Variants in RNF17 observed in about 807,000 individuals in gnomAD.
The protein encoded by RNF17 is spermatogenesis associated 23.
A neutral mutation model predicts 200.5 loss-of-function variants in RNF17; 31 were observed. That is an observed-to-expected ratio of 0.15 (90% CI 0.12 to 0.21). The LOEUF is 0.21. Among genes scored for constraint, RNF17 ranks in the 10% least tolerant of loss-of-function variants. The pLI is 1.00. For synonymous variants in RNF17, 606 were observed against 637.8 expected, an observed-to-expected ratio of 0.95 and a Z score of 0.75; for missense variants, 1,628 against 1,905.1, an observed-to-expected ratio of 0.85 and a Z score of 2.71.
intron 33 of RNF17, among the ~76,000 whole-genome samples, chr13:24,874,568 C>T (rs9511494): frequency 0.23 from 35,006 of 151,682 alleles, 4,499 homozygotes; most frequent in Non-Finnish European, 0.29. Context: ...CGCCACCATC[C>T]CGGCTAATTT....
intron 30 of RNF17, among the ~76,000 whole-genome samples, chr13:24,867,100 A>G (rs559852885): frequency 6.6e-6 from 1 of 152,212 alleles, no homozygotes; most frequent in Admixed American, 6.5e-5. Flanking sequence ...TGAGTTATTT[A>G]TCTTTTTATT....
chr13:24,799,221 AAACT>A (rs1418307467), intron 11 of RNF17, among the ~76,000 whole-genome samples, 170 bp from the exon 12 acceptor site: 16 of 152,318 alleles, frequency 1.1e-4, no homozygotes, highest in Middle Eastern at 3.4e-3. Context: ...TCTGTATAAC[AAACT>A]ATCATAATAT....
At position 24,764,888 on chromosome 13, in the gene RNF17, G is replaced by GGTGTGT. The variant is rs57755622; in HGVS notation, c.130+586_130+591dup. On this transcript the variant is annotated intron_variant, in intron 1 of 35. Transcript: ENST00000255324. ...ATAGTTTCTTTTGTGCACCTTGTGG[G>GGTGTGT]GTGTGTGTGTGTGTGTGTGTGTGTG... Among the ~76,000 whole-genome samples, 227 of 134,162 alleles carry GGTGTGT rather than the reference G, an allele frequency of 1.7e-3. 2 individuals are homozygous for GGTGTGT. Among genetic ancestry groups the GGTGTGT allele is most frequent in the Middle Eastern group, 4.1e-3 (1 of 244 alleles). 88.0% of individuals were successfully genotyped at this position (134,162 alleles called of 152,430 possible).
intron 19 of RNF17, 145 bp from the exon 20 acceptor site, chr13:24,843,599 A>G (rs748346617): frequency 2.5e-5 from 16 of 646,662 alleles, no homozygotes; most frequent in Non-Finnish European, 4.4e-5. Context: ...ATATACAGTA[A>G]AAAGTCACCT....
chr13:24,799,679 G>T, intron 12 of RNF17, 95 bp downstream of exon 12: 3 of 717,880 alleles, frequency 4.2e-6, no homozygotes, highest in Non-Finnish European at 4.6e-6. Context: ...GTAGAGAGGA[G>T]TAATTTGTCA....
intron 18 of RNF17, among the ~76,000 whole-genome samples, chr13:24,836,146 G>GATT (rs997733878): frequency 6.6e-6 from 1 of 152,186 alleles, no homozygotes; most frequent in African/African-American, 2.4e-5. Flanking sequence ...AGAAGTCTGG[G>GATT]ATTACGTTAA....
chr13:24,846,186 C>T (rs562913404), intron 22 of RNF17, among the ~76,000 whole-genome samples: 160 of 152,208 alleles, frequency 1.1e-3, no homozygotes, highest in Non-Finnish European at 1.9e-3. Context: ...GCTGCCCCAT[C>T]TAATGCTGTA....
chr13:24,819,245 A>T (rs142360683), intron 15 of RNF17, among the ~76,000 whole-genome samples: 1 of 152,192 alleles, frequency 6.6e-6, no homozygotes, highest in Admixed American at 6.5e-5. Flanking sequence ...TATGAATTTT[A>T]CTATGTTAGA....
chr13:24,774,800 A>G lies in RNF17; in HGVS notation c.226-13A>G, dbSNP rs1487442304. 6.3e-7 allele frequency: 1 copy of G among 1,574,906 alleles called. No individual in the cohort carries two copies. The highest frequency in any genetic ancestry group is 8.7e-7 in the Non-Finnish European group (1 of 1,150,968). ...GGGTGACTTTGTTTTTTTAAACCTT[A>G]TTTTGTCCTAAGGTTGCTACAGCTG... On this transcript the variant is annotated splice_polypyrimidine_tract_variant and intron_variant, in intron 2 of 35. Coordinates refer to ENST00000255324, the MANE Select transcript of RNF17 (RefSeq NM_031277.3).
At chr13:24,761,819 T>A (rs1878767922), upstream of RNF17, among the ~76,000 whole-genome samples, 1 of 152,232 alleles carries the variant, frequency 6.6e-6, no homozygotes, top group South Asian at 2.1e-4. Flanking sequence ...TATTTCTCAC[T>A]GGCCCTGATT....
intron 14 of RNF17, chr13:24,803,961 T>C (rs1265333993): frequency 3.1e-5 from 8 of 261,228 alleles, no homozygotes; most frequent in Non-Finnish European, 5.8e-5. Context: ...ATCAAGTCAC[T>C]GAGAGAAAAG....
At chr13:24,785,498 G>C (rs1882988513) in intron 6 of RNF17, among the ~76,000 whole-genome samples, 1 of 152,090 alleles carries the variant, frequency 6.6e-6, no homozygotes, top group Non-Finnish European at 1.5e-5. Context: ...TTAAACATTA[G>C]TCAGCATGGT....
In RNF17 at chr13:24,831,250, C is replaced by T. The variant is rs531738818; in HGVS notation, c.2362-608C>T. On this transcript the variant is annotated intron_variant, in intron 17 of 35. Coordinates refer to ENST00000255324, the MANE Select transcript of RNF17 (RefSeq NM_031277.3). The stretch of plus-strand genomic sequence containing the variant: ...GGTCAGGAGTTTGAGACCAGCCTGG[C>T]TAACATGATGAAACCCCATCTCTAC... Among the ~76,000 whole-genome samples, 49 of 152,144 alleles carry T rather than the reference C, an allele frequency of 3.2e-4. No homozygotes were observed. In the East Asian group the frequency reaches 8.7e-3, roughly 27 times the overall value.
chr13:24,853,651 T>G (rs1021844090), intron 24 of RNF17, among the ~76,000 whole-genome samples: 22 of 152,200 alleles, frequency 1.4e-4, no homozygotes, highest in Admixed American at 3.3e-4. Context: ...ATTTAAAACA[T>G]TTACTTAAAT....
chr13:24,767,942 T>G (rs1879979338), intron 2 of RNF17, among the ~76,000 whole-genome samples: 1 of 152,106 alleles, frequency 6.6e-6, no homozygotes, highest in African/African-American at 2.4e-5. Flanking sequence ...GAAAATTATG[T>G]CTTTTGTTTA....
At chr13:24,860,741 T>C (rs1001735094) in intron 26 of RNF17, among the ~76,000 whole-genome samples, 10 of 152,042 alleles carry the variant, frequency 6.6e-5, no homozygotes, top group African/African-American at 2.4e-4. Context: ...CAGTTTTTTT[T>C]CAAAAAAAAG....
At chr13:24,884,950 A>G in the RNF17 span, among the ~76,000 whole-genome samples, 1 of 152,186 alleles carries the variant, frequency 6.6e-6, no homozygotes, top group Admixed American at 6.5e-5. Context: ...CCACTAAGAA[A>G]CTTTCCTAAG....
At chr13:24,865,616 T>G (rs1893535995) in intron 29 of RNF17, among the ~76,000 whole-genome samples, 2 of 152,350 alleles carry the variant, frequency 1.3e-5, no homozygotes, top group Admixed American at 1.3e-4. Flanking sequence ...GTCTACTTGT[T>G]AGACTCTTTA....
chr13:24,854,091 C>T lies in RNF17; in HGVS notation c.3557C>T (p.Thr1186Ile). Residue 1186 changes from threonine (T) to isoleucine (I), a missense_variant, in exon 25 of 36, where the codon ACA (threonine) becomes ATA (isoleucine). Thr to Ile is a moderately conservative substitution (Grantham distance 89). This residue lies in a region of RNF17 where 609 missense variants were observed against 681.9 expected (regional missense o/e 0.89). Transcript: ENST00000255324. ...AIPNMNVFEA[T>I]VSCVGDDGTI... is the part of the protein sequence containing the mutation. ...CCTAACATGAACGTATTTGAGGCAACAGTCAGCTGTGTTGGTGATGATGGA... is the reference window on the plus strand; with the variant it reads ...CCTAACATGAACGTATTTGAGGCAATAGTCAGCTGTGTTGGTGATGATGGA... 6.2e-7 allele frequency: 1 copy of T among 1,613,912 alleles called. No homozygotes were observed. Among genetic ancestry groups the T allele is most frequent in the Non-Finnish European group, 8.5e-7 (1 of 1,179,846 alleles).
Sources: allele counts gnomAD v4.1 joint callset (sites outside exome capture counted in the v4.1 genomes callset), GRCh38; gene constraint gnomAD v4.1.1; regional missense constraint gnomAD v4.1.1; transcripts MANE v1.5; gene names NCBI Gene and HGNC (gene_info 2026-07-23, HGNC 2026-07-21).